Variants in SIX1 observed in about 807,000 individuals in gnomAD.
The protein encoded by SIX1 is SIX homeobox 1, also known as homeobox protein SIX1.
In SIX1, 11 loss-of-function variants were observed where a neutral mutation model predicts 26.5. The ratio of observed to expected loss-of-function variants is 0.41; its 90% CI spans 0.26 to 0.69. The LOEUF is 0.69. SIX1 is among the 30% of genes least tolerant of loss of function. The probability of loss-of-function intolerance (pLI) is 0.28; values close to 1 mark genes in which losing one functional copy is unlikely to be tolerated. For missense variants in SIX1, 333 were observed against 365.9 expected, an observed-to-expected ratio of 0.91 and a Z score of 0.73; for synonymous variants, 177 against 166.2, an observed-to-expected ratio of 1.06 and a Z score of -0.50.
chr14:60,646,289 C>T lies in SIX1; in HGVS notation c.849G>A (p.Gly283=), dbSNP rs761039415. The change falls in exon 2 of 2, where the codon GGG becomes GGA. Residue 283 remains glycine, a synonymous_variant. Coordinates refer to ENST00000645694, the MANE Select transcript of SIX1 (RefSeq NM_005982.4). Reference sequence around the variant, plus strand: ...GGCCCCAGTCCCTCCCCACTTAGGACCCCAAGTCCACCAGACTGGAGGTGA... The same window carrying T: ...GGCCCCAGTCCCTCCCCACTTAGGATCCCAAGTCCACCAGACTGGAGGTGA... ...GPLTSSLVDL[G]S is the part of the protein sequence containing the mutation. 1.5e-5 allele frequency: 24 copies of T among 1,612,148 alleles called. No homozygotes were observed. The East Asian group carries it at 5.1e-4, about 34-fold the overall frequency.
Position 60,647,680 on chromosome 14 carries a change from ACCGGCCCCTG to A in SIX1, c.560+940_560+949del, listed in dbSNP as rs903326160. Among the ~76,000 whole-genome samples the A allele has an allele frequency of 1.3e-5, 2 of 151,898 alleles. No homozygotes were observed. Among genetic ancestry groups the A allele is most frequent in the Admixed American group, 6.5e-5 (1 of 15,270 alleles). On this transcript the variant is annotated intron_variant, in intron 1 of 1. Coordinates refer to ENST00000645694, the MANE Select transcript of SIX1 (RefSeq NM_005982.4). This position sits in a 1 kb window ranked among gnomAD's most constrained non-coding sequence, Gnocchi z 5.1. ...TTGGAAGCGAACAAAGGAAAACCTAACCGGCCCCTGCGCTCAGGTTTTCCCCCAAACTCTT... is the reference window on the plus strand; with the variant it reads ...TTGGAAGCGAACAAAGGAAAACCTAACGCTCAGGTTTTCCCCCAAACTCTT...
Position 60,649,029 on chromosome 14 carries a change from G to T in SIX1, c.161C>A (p.Ala54Glu). The change falls in exon 1 of 2, where the codon GCG (alanine) becomes GAG (glutamate). Residue 54 changes from alanine (A) to glutamate (E), a missense_variant. By Grantham distance (107) the Ala-to-Glu change is moderately radical. Around this residue, in one of 3 missense-constraint regions of SIX1, gnomAD observed 133 missense variants for 131.8 expected, o/e 1.01. Transcript: ENST00000645694. This position sits in a 1 kb window ranked among gnomAD's most constrained non-coding sequence, Gnocchi z 5.1. ...HKNESVLKAK[A>E]VVAFHRGNFR... ...GTTGCCGCGGTGGAAGGCGACCACCGCCTTGGCCTTGAGTACGCTCTCGTT... is the reference window on the plus strand; with the variant it reads ...GTTGCCGCGGTGGAAGGCGACCACCTCCTTGGCCTTGAGTACGCTCTCGTT... 2 of 1,613,950 alleles carry T rather than the reference G, an allele frequency of 1.2e-6. No individual in the cohort carries two copies. Among genetic ancestry groups the T allele is most frequent in the Non-Finnish European group, 1.7e-6 (2 of 1,180,012 alleles).
chr14:60,646,794 CT>C (rs1894951691), intron 1 of SIX1, among the ~76,000 whole-genome samples: 1 of 152,052 alleles, frequency 6.6e-6, no homozygotes, highest in Non-Finnish European at 1.5e-5. Flanking sequence ...AAATGGAGAG[CT>C]ACGGACAGAG....
In SIX1 at chr14:60,644,288, C is replaced by G. The variant is rs1231200113; in HGVS notation, c.*1995G>C. On this transcript the variant is annotated 3_prime_UTR_variant, in exon 2 of 2. Coordinates refer to ENST00000645694, the MANE Select transcript of SIX1 (RefSeq NM_005982.4). ...GGCCCAAGACAGGGAGAATAAACAC[C>G]CTAGTGACTTAAATAAACACCGACT... is the stretch of plus-strand genomic sequence containing the variant. 1 of 152,014 alleles carries G rather than the reference C, an allele frequency of 6.6e-6. No homozygotes were observed. Among genetic ancestry groups the G allele is most frequent in the East Asian group, 1.9e-4 (1 of 5,192 alleles). 9.4% of individuals were successfully genotyped at this position (152,014 alleles called of 1,614,324 possible). A position where few individuals can be genotyped will look rare whatever the true frequency, so the allele number is the denominator to read the frequency against.
chr14:60,649,176 G>T lies in SIX1; in HGVS notation c.14C>A (p.Pro5Gln), dbSNP rs771057416. ...TTGCTCCTGCGTAAAGCCAAACGAC[G>T]GCAGCATCGACATGGCTGGGGCCTG... MSML[P>Q]SFGFTQEQVA... Residue 5 changes from proline to glutamine, a missense_variant, in exon 1 of 2, where the codon CCG becomes CAG. Around this residue, in one of 3 missense-constraint regions of SIX1, gnomAD observed 133 missense variants for 131.8 expected, o/e 1.01. Coordinates refer to ENST00000645694, the MANE Select transcript of SIX1 (RefSeq NM_005982.4). The surrounding 1 kb of genome is among the most constrained non-coding windows in gnomAD (Gnocchi z 5.1). 10 of 1,608,996 alleles carry T rather than the reference G, an allele frequency of 6.2e-6. No individual in the cohort carries two copies. The African/African-American group carries it at 6.7e-5, about 11-fold the overall frequency.
intron 1 of SIX1, among the ~76,000 whole-genome samples, chr14:60,646,806 C>A (rs1277832997): frequency 6.6e-6 from 1 of 151,988 alleles, no homozygotes; most frequent in African/African-American, 2.4e-5. Flanking sequence ...ACGGACAGAG[C>A]CTCCTGTTAG....
chr14:60,648,854 G>C lies in SIX1; in HGVS notation c.336C>G (p.Arg112=), dbSNP rs1184553564. The C allele has an allele frequency of 1.9e-6, 3 of 1,614,232 alleles. No individual in the cohort carries two copies. The South Asian group carries it at 3.3e-5, about 18-fold the overall frequency. Residue 112 remains arginine (R), a synonymous_variant, in exon 1 of 2, where the codon CGC becomes CGG. Coordinates refer to ENST00000645694, the MANE Select transcript of SIX1 (RefSeq NM_005982.4). The surrounding 1 kb of genome is among the most constrained non-coding windows in gnomAD (Gnocchi z 7.9). The part of the protein sequence containing the change: ...PLGAVGKYRV[R]RKFPLPRTIW... ...TGGTGCGCGGCAGTGGAAATTTTCGGCGCACCCGATATTTGCCCACGGCGC... is the reference window on the plus strand; with the variant it reads ...TGGTGCGCGGCAGTGGAAATTTTCGCCGCACCCGATATTTGCCCACGGCGC...
At position 60,649,357 on chromosome 14, in the gene SIX1, A is replaced by C; in HGVS notation, c.-168T>G. On this transcript the variant is annotated 5_prime_UTR_variant, in exon 1 of 2. Transcript: ENST00000645694. This position sits in a 1 kb window ranked among gnomAD's most constrained non-coding sequence, Gnocchi z 5.1. ...GAACTTGGCGGTGGGCGGCCAAGGA[A>C]GAGAAGGCGGAGGAGTAGGGGAGGT... 1.6e-6 allele frequency: 1 copy of C among 624,302 alleles called. No homozygotes were observed. The highest frequency in any genetic ancestry group is 1.8e-5 in the African/African-American group (1 of 54,226). 38.7% of individuals were successfully genotyped at this position (624,302 alleles called of 1,614,324 possible). A position where few individuals can be genotyped will look rare whatever the true frequency, so the allele number is the denominator to read the frequency against.
At position 60,646,017 on chromosome 14, in the gene SIX1, G is replaced by GTTT; in HGVS notation, c.*263_*265dup. The GTTT allele has an allele frequency of 5.2e-6, 1 of 193,428 alleles. No homozygotes were observed. 12.0% of individuals were successfully genotyped at this position (193,428 alleles called of 1,614,324 possible). A position where few individuals can be genotyped will look rare whatever the true frequency, so the allele number is the denominator to read the frequency against. On this transcript the variant is annotated 3_prime_UTR_variant, in exon 2 of 2. Coordinates refer to ENST00000645694, the MANE Select transcript of SIX1 (RefSeq NM_005982.4). ...TGCCTGGGTGCTTTTGTTTGTTTGG[G>GTTT]TTTTTTTTTTTTTTTTTCCCTGATC... is the stretch of plus-strand genomic sequence containing the variant.
chr14:60,649,400 C>T lies in SIX1; in HGVS notation c.-211G>A, dbSNP rs1895020949. On this transcript the variant is annotated 5_prime_UTR_variant, in exon 1 of 2. Transcript: ENST00000645694. This position sits in a 1 kb window ranked among gnomAD's most constrained non-coding sequence, Gnocchi z 5.1. ...GGGGAGGTTCTGGACACGGAACGGC[C>T]GGCGCACTCAGTAGCCTTTAAGGCC... The T allele has an allele frequency of 1.4e-5, 8 of 574,498 alleles. No homozygotes were observed. Among genetic ancestry groups the T allele is most frequent in the Non-Finnish European group, 2.2e-5 (7 of 322,796 alleles). 35.6% of individuals were successfully genotyped at this position (574,498 alleles called of 1,614,324 possible). A position where few individuals can be genotyped will look rare whatever the true frequency, so the allele number is the denominator to read the frequency against.
In SIX1 at chr14:60,644,726, T is replaced by G. The variant is rs1212377432; in HGVS notation, c.*1557A>C. 6.6e-6 allele frequency: 1 copy of G among 152,218 alleles called. No homozygotes were observed. Among genetic ancestry groups the G allele is most frequent in the African/African-American group, 2.4e-5 (1 of 41,450 alleles). 9.4% of individuals were successfully genotyped at this position (152,218 alleles called of 1,614,324 possible). ...TTATCCTGAGTAGAATTTTAATAAA[T>G]AATGCCATTTGTTTCACTAATTTTA... On this transcript the variant is annotated 3_prime_UTR_variant, in exon 2 of 2. Transcript: ENST00000645694.
chr14:60,648,576 G>A lies in SIX1; in HGVS notation c.560+54C>T, dbSNP rs1442190847. The A allele has an allele frequency of 8.5e-6, 13 of 1,530,830 alleles. No homozygotes were observed. The Admixed American group carries it at 1.4e-4, about 16-fold the overall frequency. 94.8% of individuals were successfully genotyped at this position (1,530,830 alleles called of 1,614,324 possible). A position where few individuals can be genotyped will look rare whatever the true frequency, so the allele number is the denominator to read the frequency against. Reference sequence around the variant, plus strand: ...GCCTGCGGGGGCGGGAGGGGGCGGAGGAGAAAGGACGGCTTCCTAGGGTCG... The same window carrying A: ...GCCTGCGGGGGCGGGAGGGGGCGGAAGAGAAAGGACGGCTTCCTAGGGTCG... On this transcript the variant is annotated intron_variant, in intron 1 of 1. Coordinates refer to ENST00000645694, the MANE Select transcript of SIX1 (RefSeq NM_005982.4). This position sits in a 1 kb window ranked among gnomAD's most constrained non-coding sequence, Gnocchi z 7.9.
At position 60,647,433 on chromosome 14, in the gene SIX1, T is replaced by G. The variant is rs1402583858; in HGVS notation, c.561-856A>C. Reference sequence around the variant, plus strand: ...CGGGCGCGGCGCGCTGGGGCGTCAGTCCGGGCACTCGGTACCGGTTAACTT... The same window carrying G: ...CGGGCGCGGCGCGCTGGGGCGTCAGGCCGGGCACTCGGTACCGGTTAACTT... On this transcript the variant is annotated intron_variant, in intron 1 of 1. Coordinates refer to ENST00000645694, the MANE Select transcript of SIX1 (RefSeq NM_005982.4). This position sits in a 1 kb window ranked among gnomAD's most constrained non-coding sequence, Gnocchi z 5.1. Among the ~76,000 whole-genome samples, 1 of 152,146 alleles carries G rather than the reference T, an allele frequency of 6.6e-6. No individual in the cohort carries two copies. Among genetic ancestry groups the G allele is most frequent in the Non-Finnish European group, 1.5e-5 (1 of 68,010 alleles).
In SIX1 at chr14:60,649,221, C is replaced by T; in HGVS notation, c.-32G>A. On this transcript the variant is annotated 5_prime_UTR_variant, in exon 1 of 2. Transcript: ENST00000645694. This position sits in a 1 kb window ranked among gnomAD's most constrained non-coding sequence, Gnocchi z 5.1. ...GGCCTGCCGGGGCGCACGGCCCAGG[C>T]GCACGCGGCAGGGAGCAGAGCCGAG... The T allele has an allele frequency of 6.3e-7, 1 of 1,595,332 alleles. No individual in the cohort carries two copies. The highest frequency in any genetic ancestry group is 8.5e-7 in the Non-Finnish European group (1 of 1,175,992).
Position 60,645,529 on chromosome 14 carries a change from C to A in SIX1, c.*754G>T, listed in dbSNP as rs915959668. On this transcript the variant is annotated 3_prime_UTR_variant, in exon 2 of 2. Transcript: ENST00000645694. The surrounding 1 kb of genome is among the most constrained non-coding windows in gnomAD (Gnocchi z 4.6). ...GAGTTTGTCATTTAAAAAAAAAAAA[C>A]CCAAGAAAACAAACAACAACCAAAA... The A allele has an allele frequency of 4.0e-5, 6 of 149,636 alleles. No homozygotes were observed. The highest frequency in any genetic ancestry group is 7.4e-5 in the Non-Finnish European group (5 of 67,490). The allele number at this position is 149,636 out of a possible 1,614,324, so 9.3% of individuals were successfully genotyped here.
rs1324023369 is a variant in SIX1 at position 60,646,278 on chromosome 14, C to T, written c.*5G>A. 2 of 1,611,452 alleles carry T rather than the reference C, an allele frequency of 1.2e-6. No individual in the cohort carries two copies. Among genetic ancestry groups the T allele is most frequent in the East Asian group, 4.5e-5 (2 of 44,816 alleles). ...AATCCCTTCGAGGCCCCAGTCCCTC[C>T]CCACTTAGGACCCCAAGTCCACCAG... On this transcript the variant is annotated 3_prime_UTR_variant, in exon 2 of 2. Transcript: ENST00000645694.
Position 60,645,239 on chromosome 14 carries a change from C to A in SIX1, c.*1044G>T, listed in dbSNP as rs3742637. 30 of 151,626 alleles carry A rather than the reference C, an allele frequency of 2.0e-4. No individual in the cohort carries two copies. In the East Asian group the frequency reaches 5.8e-3, roughly 29 times the overall value. 9.4% of individuals were successfully genotyped at this position (151,626 alleles called of 1,614,324 possible). ...ATAGGGCCCAATGACAGCAATACAC[C>A]ACTCACCTTTCAGAAACAGAATCAT... On this transcript the variant is annotated 3_prime_UTR_variant, in exon 2 of 2. Transcript: ENST00000645694. This position sits in a 1 kb window ranked among gnomAD's most constrained non-coding sequence, Gnocchi z 4.6.
Position 60,648,892 on chromosome 14 carries a change from C to A in SIX1, c.298G>T (p.Gly100Cys). Reference sequence around the variant, plus strand: ...TTGCCCACGGCGCCCAGGGGTCGGCCGCGCAGCTTCTCGGCCTCCACGTAA... The same window carrying A: ...TTGCCCACGGCGCCCAGGGGTCGGCAGCGCAGCTTCTCGGCCTCCACGTAA... ...AHYVEAEKLR[G>C]RPLGAVGKYR... The change falls in exon 1 of 2, where the codon GGC (glycine) becomes TGC (cysteine). Residue 100 changes from glycine to cysteine, a missense_variant. Transcript: ENST00000645694. The surrounding 1 kb of genome is among the most constrained non-coding windows in gnomAD (Gnocchi z 7.9). The A allele has an allele frequency of 6.2e-7, 1 of 1,614,224 alleles. No homozygotes were observed. The highest frequency in any genetic ancestry group is 1.3e-5 in the African/African-American group (1 of 75,070).
rs926427508 is a variant in SIX1 at position 60,648,516 on chromosome 14, G to A, written c.560+114C>T. On this transcript the variant is annotated intron_variant, in intron 1 of 1. Coordinates refer to ENST00000645694, the MANE Select transcript of SIX1 (RefSeq NM_005982.4). The surrounding 1 kb of genome is among the most constrained non-coding windows in gnomAD (Gnocchi z 7.9). ...AGGGCCTGCGCGCCGCCCCGTGGAC[G>A]GGCTCCGGCCGGCGGGGAGGACTTG... The A allele has an allele frequency of 1.9e-6, 2 of 1,053,876 alleles. No homozygotes were observed. The highest frequency in any genetic ancestry group is 1.5e-5 in the South Asian group (1 of 67,560). The allele number at this position is 1,053,876 out of a possible 1,614,324, so 65.3% of individuals were successfully genotyped here. A position where few individuals can be genotyped will look rare whatever the true frequency, so the allele number is the denominator to read the frequency against.
Sources: allele counts gnomAD v4.1 joint callset (sites outside exome capture counted in the v4.1 genomes callset), GRCh38; gene constraint gnomAD v4.1.1; regional missense constraint gnomAD v4.1.1; non-coding constraint Gnocchi (gnomAD v3.1); transcripts MANE v1.5; gene names NCBI Gene and HGNC (gene_info 2026-07-23, HGNC 2026-07-21).